The following ADA variants were observed in gnomAD, a reference collection of about 807,000 sequenced individuals.
ADA encodes adenosine aminohydrolase.
In ADA, 45 loss-of-function variants were observed where a neutral mutation model predicts 49.0. That is an observed-to-expected ratio of 0.92 (90% CI 0.72 to 1.18). The LOEUF (loss-of-function observed/expected upper bound fraction) is 1.18. ADA is among the 50% of genes most tolerant of loss of function. The probability of loss-of-function intolerance (pLI) is 0.00; values close to 1 mark genes in which losing one functional copy is unlikely to be tolerated. For synonymous variants in ADA, 173 were observed against 184.2 expected (o/e 0.94, Z 0.49); for missense variants, 445 against 472.5 (o/e 0.94, Z 0.54).
intron 1 of ADA, among the ~76,000 whole-genome samples, chr20:44,644,175 C>T (rs560189445): frequency 2.5e-3 from 5 of 2,006 alleles, no homozygotes; most frequent in South Asian, 0.017. Flanking sequence ...AGACGCCCTG[C>T]TCGCCTCCGG....
intron 1 of ADA, among the ~76,000 whole-genome samples, chr20:44,646,068 G>A (rs992497228): frequency 1.3e-5 from 2 of 152,068 alleles, no homozygotes; most frequent in Admixed American, 1.3e-4. Context: ...CTACTACCTT[G>A]CCCCGCCCCA....
intron 11 of ADA, 43 bp from the exon 12 acceptor site, chr20:44,619,890 A>C: frequency 1.2e-6 from 2 of 1,613,796 alleles, no homozygotes; most frequent in Non-Finnish European, 1.7e-6. Flanking sequence ...GGCAACTTGT[A>C]GTACCCAGGA....
chr20:44,620,561 G>A lies in ADA; in HGVS notation c.976-160C>T. On this transcript the variant is annotated intron_variant, in intron 10 of 11. Coordinates refer to ENST00000372874, the MANE Select transcript of ADA (RefSeq NM_000022.4). ...ACACGGCAGCAAGTGCCAGAGTAGAGACCATGAGGTCGTGTTCTTAATTTG... is the reference window on the plus strand; with the variant it reads ...ACACGGCAGCAAGTGCCAGAGTAGAAACCATGAGGTCGTGTTCTTAATTTG... The A allele has an allele frequency of 5.6e-6, 4 of 708,700 alleles. No homozygotes were observed. In the South Asian group the frequency reaches 6.0e-5, roughly 11 times the overall value. 43.9% of individuals were successfully genotyped at this position (708,700 alleles called of 1,614,324 possible).
intron 1 of ADA, among the ~76,000 whole-genome samples, chr20:44,647,761 A>G (rs185165930): frequency 6.6e-6 from 1 of 151,938 alleles, no homozygotes; most frequent in East Asian, 1.9e-4. Context: ...TACTAAAAAT[A>G]CAAAAATTAG....
At position 44,619,741 on chromosome 20, in the gene ADA, TG is replaced by T; in HGVS notation, c.*92del. ...CATCAGTAACTGACTATTGAGATCA[TG>T]GTCTTCTTGGAAGGAATAAATGTAA... On this transcript the variant is annotated 3_prime_UTR_variant, in exon 12 of 12. Transcript: ENST00000372874. 6.6e-7 allele frequency: 1 copy of T among 1,520,786 alleles called. No homozygotes were observed. The highest frequency in any genetic ancestry group is 9.1e-7 in the Non-Finnish European group (1 of 1,095,864). 94.2% of individuals were successfully genotyped at this position (1,520,786 alleles called of 1,614,324 possible).
chr20:44,624,354 C>T (rs780573286), intron 5 of ADA, 25 bp from the exon 6 acceptor site: 4 of 1,612,110 alleles, frequency 2.5e-6, no homozygotes. Flanking sequence ...CCCACCCAGG[C>T]TCTGTCACCA....
At chr20:44,627,409 C>T (rs967944810) in intron 3 of ADA, among the ~76,000 whole-genome samples, 1 of 152,164 alleles carries the variant, frequency 6.6e-6, no homozygotes, top group Non-Finnish European at 1.5e-5. Context: ...TCTCGATCTC[C>T]TGACCTCATG....
At position 44,629,148 on chromosome 20, in the gene ADA, T is replaced by C. The variant is rs747148184; in HGVS notation, c.117A>G (p.Pro39=). 11 of 1,614,058 alleles carry C rather than the reference T, an allele frequency of 6.8e-6. No individual in the cohort carries two copies. The South Asian group carries it at 8.8e-5, about 13-fold the overall frequency. The change falls in exon 3 of 12, where the codon CCA becomes CCG. Residue 39 remains proline (P), a synonymous_variant. Coordinates refer to ENST00000372874, the MANE Select transcript of ADA (RefSeq NM_000022.4). ...YYGRRRGIAL[P]ANTAEGLLNV... Reference sequence around the variant, plus strand: ...TCAGCAGCCCCTCTGCTGTGTTAGCTGGGAGGGCGATCCCTCTCCTCCTGG... The same window carrying C: ...TCAGCAGCCCCTCTGCTGTGTTAGCCGGGAGGGCGATCCCTCTCCTCCTGG...
chr20:44,621,473 A>G (rs1397106635), intron 9 of ADA, among the ~76,000 whole-genome samples: 1 of 151,728 alleles, frequency 6.6e-6, no homozygotes, highest in Non-Finnish European at 1.5e-5. Context: ...TCCGGCTGCC[A>G]CCCTCTCCAG....
rs559772781 is a variant in ADA, at chr20:44,629,414, T to G, written c.96-245A>C. ...CAAATCTCAAGGGGGATAAACAGGT[T>G]GAAGTGTGTGTGTGTGTGTGTGTGT... On this transcript the variant is annotated intron_variant, in intron 2 of 11. Transcript: ENST00000372874. Among the ~76,000 whole-genome samples, 6 of 145,948 alleles carry G rather than the reference T, an allele frequency of 4.1e-5. No individual in the cohort carries two copies. In the South Asian group the frequency reaches 1.3e-3, roughly 32 times the overall value.
intron 10 of ADA, 51 bp from the exon 11 acceptor site, chr20:44,620,452 A>C: frequency 6.8e-7 from 1 of 1,473,808 alleles, no homozygotes; most frequent in Admixed American, 1.7e-5. Context: ...CAAAGAAGGC[A>C]GCTCTTAGCA....
chr20:44,630,084 G>A (rs1257847673), intron 2 of ADA, among the ~76,000 whole-genome samples: 1 of 151,774 alleles, frequency 6.6e-6, no homozygotes, highest in African/African-American at 2.4e-5. Context: ...GCTCACGCCT[G>A]TAATCCCAGC....
chr20:44,627,327 G>A (rs1038581259), intron 3 of ADA, among the ~76,000 whole-genome samples: 3 of 152,018 alleles, frequency 2.0e-5, no homozygotes, highest in Non-Finnish European at 4.4e-5. Context: ...GATTACAGGC[G>A]CATGCCACCA....
At chr20:44,641,734 G>C (rs1203282312) in intron 1 of ADA, among the ~76,000 whole-genome samples, 1 of 151,938 alleles carries the variant, frequency 6.6e-6, no homozygotes, top group African/African-American at 2.4e-5. Context: ...GGCTACTTCT[G>C]GCTAAAGTAT....
At chr20:44,620,276 C>T (rs201896599) in intron 11 of ADA, 23 bp downstream of exon 11, 3 of 1,606,726 alleles carry the variant, frequency 1.9e-6, no homozygotes, top group Non-Finnish European at 2.6e-6. Context: ...GGCAACTGCC[C>T]AGAAGCCCAG....
chr20:44,639,090 C>A (rs992319677), intron 1 of ADA, among the ~76,000 whole-genome samples: 1 of 152,200 alleles, frequency 6.6e-6, no homozygotes, highest in Non-Finnish European at 1.5e-5. Context: ...ATCTGGAAAG[C>A]ACACAGAGGC....
Position 44,622,837 on chromosome 20 carries a change from G to A in ADA, c.772C>T (p.His258Tyr), listed in dbSNP as rs1329183956. The A allele has an allele frequency of 6.2e-7, 1 of 1,614,120 alleles. No homozygotes were observed. The highest frequency in any genetic ancestry group is 8.5e-7 in the Non-Finnish European group (1 of 1,180,036). ...LYNRLRQENM[H>Y]FEICPWSSYL... ...CTCCCTGGCCCGCTTACCTCGAAGT[G>A]CATGTTTTCCTGCCGCAGCCTGTTA... Residue 258 changes from histidine (H) to tyrosine (Y), a missense_variant, in exon 8 of 12, where the codon CAC becomes TAC. By Grantham distance (83) the His-to-Tyr change is moderately conservative. Coordinates refer to ENST00000372874, the MANE Select transcript of ADA (RefSeq NM_000022.4).
At position 44,651,070 on chromosome 20, in the gene ADA, C is replaced by T. The variant is rs563606734; in HGVS notation, c.33+505G>A. The stretch of plus-strand genomic sequence containing the variant: ...GGGGGGTGCTCTGCTCCCCTCCCTC[C>T]CCTTTCTGGCAGGGCTCACGGTTCT... On this transcript the variant is annotated intron_variant, in intron 1 of 11. Coordinates refer to ENST00000372874, the MANE Select transcript of ADA (RefSeq NM_000022.4). Among the ~76,000 whole-genome samples the T allele has an allele frequency of 2.4e-4, 37 of 152,328 alleles. No individual in the cohort carries two copies. In the South Asian group the frequency reaches 6.6e-3, roughly 27 times the overall value.
At chr20:44,625,917 A>C (rs560858487) in intron 4 of ADA, among the ~76,000 whole-genome samples, 4 of 152,274 alleles carry the variant, frequency 2.6e-5, no homozygotes, top group African/African-American at 9.6e-5. Context: ...GGGTGTCAAC[A>C]TGGCCCTCCC....
Sources: allele counts gnomAD v4.1 joint callset (sites outside exome capture counted in the v4.1 genomes callset), GRCh38; gene constraint gnomAD v4.1.1; transcripts MANE v1.5; gene names NCBI Gene and HGNC (gene_info 2026-07-23, HGNC 2026-07-21).